Variants in KCTD1 observed in about 807,000 individuals in gnomAD.
The protein encoded by KCTD1 is BTB/POZ domain-containing protein KCTD1.
Under a neutral mutation model 66.0 loss-of-function variants are expected in KCTD1, and 24 were observed. The ratio of observed to expected loss-of-function variants is 0.36; its 90% CI spans 0.26 to 0.51. The LOEUF (loss-of-function observed/expected upper bound fraction) is 0.51, where lower values mean the gene tolerates loss of function less well. Ranked by LOEUF, KCTD1 falls within the 20% of genes least tolerant of loss-of-function variation. The pLI is 0.95. For missense variants in KCTD1, 943 were observed against 1,205.2 expected (o/e 0.78, Z 3.22); for synonymous variants, 511 against 517.2 (o/e 0.99, Z 0.16).
chr18:26,479,161 C>G (rs548922194), intron 2 of KCTD1, among the ~76,000 whole-genome samples: 1 of 152,370 alleles, frequency 6.6e-6, no homozygotes, highest in South Asian at 2.1e-4. Flanking sequence ...GAAGCGAGCA[C>G]TAGCAGAGCT....
intron 1 of KCTD1, among the ~76,000 whole-genome samples, chr18:26,529,479 C>T (rs1457707555): frequency 1.3e-5 from 2 of 152,216 alleles, no homozygotes; most frequent in African/African-American, 4.8e-5. Flanking sequence ...TGCTCATGTA[C>T]ATTTCTGTCT....
chr18:26,468,085 G>C lies in KCTD1; in HGVS notation c.2134-8160C>G, dbSNP rs192216762. On this transcript the variant is annotated intron_variant, in intron 3 of 4. Coordinates refer to ENST00000580059, the MANE Select transcript of KCTD1 (RefSeq NM_001142730.3). The surrounding 1 kb of genome is among the most constrained non-coding windows in gnomAD (Gnocchi z 4.8). ...AATGGGGCCGAAGCTCTAGACTCTTGGTGTGCTGAGAGTTGCAACCACGTG... is the reference window on the plus strand; with the variant it reads ...AATGGGGCCGAAGCTCTAGACTCTTCGTGTGCTGAGAGTTGCAACCACGTG... 3.9e-5 allele frequency among the ~76,000 whole-genome samples: 6 copies of C among 152,334 alleles called. 1 individual carries two copies. The East Asian group carries it at 7.7e-4, about 20-fold the overall frequency.
intron 1 of KCTD1, among the ~76,000 whole-genome samples, chr18:26,535,194 T>C (rs1984640778): frequency 6.6e-6 from 1 of 152,166 alleles, no homozygotes. Flanking sequence ...CATTTTCTAT[T>C]TGTCAGGCAC....
At chr18:26,520,319 G>A (rs1983850639) in intron 1 of KCTD1, among the ~76,000 whole-genome samples, 2 of 152,220 alleles carry the variant, frequency 1.3e-5, no homozygotes, top group African/African-American at 4.8e-5. Flanking sequence ...GAGAGAACTG[G>A]AGCCTGCATA....
At chr18:26,528,168 T>C (rs1984263121) in intron 1 of KCTD1, among the ~76,000 whole-genome samples, 1 of 152,158 alleles carries the variant, frequency 6.6e-6, no homozygotes, top group African/African-American at 2.4e-5. Context: ...GCCCCTACCT[T>C]GAACTTGATC....
chr18:26,502,596 G>C (rs1212691144), intron 1 of KCTD1, among the ~76,000 whole-genome samples: 2 of 152,126 alleles, frequency 1.3e-5, no homozygotes, highest in Non-Finnish European at 2.9e-5. Context: ...TTCAATTAGA[G>C]CCCAAACCAC....
chr18:26,469,823 G>A (rs2144574710), intron 3 of KCTD1, among the ~76,000 whole-genome samples: 1 of 152,184 alleles, frequency 6.6e-6, no homozygotes, highest in East Asian at 1.9e-4. Flanking sequence ...AACACACAAT[G>A]TCCTCTGGAA....
At chr18:26,627,693 T>C (rs747263017) in intron 1 of KCTD1, among the ~76,000 whole-genome samples, 43 of 152,240 alleles carry the variant, frequency 2.8e-4, no homozygotes, top group Admixed American at 6.5e-5. Flanking sequence ...AACAACACTA[T>C]GCAATTTAGC....
intron 1 of KCTD1, among the ~76,000 whole-genome samples, chr18:26,627,830 C>CA (rs1987535525): frequency 6.6e-6 from 1 of 152,176 alleles, no homozygotes; most frequent in Admixed American, 6.5e-5. Flanking sequence ...AATTCCTGGC[C>CA]ACTCTTAATA....
intron 1 of KCTD1, chr18:26,599,893 CA>C: frequency 6.4e-7 from 1 of 1,556,336 alleles, no homozygotes; most frequent in Non-Finnish European, 8.9e-7. Context: ...AGGCAAAAAG[CA>C]AAACTTTGAA....
chr18:26,473,021 C>T (rs1359810380), intron 3 of KCTD1, among the ~76,000 whole-genome samples: 1 of 152,204 alleles, frequency 6.6e-6, no homozygotes, highest in Non-Finnish European at 1.5e-5. Context: ...GGCCTTGGGC[C>T]TGCAGAGTGT....
intron 1 of KCTD1, among the ~76,000 whole-genome samples, chr18:26,562,855 G>C (rs1985892359): frequency 6.6e-6 from 1 of 152,114 alleles, no homozygotes; most frequent in African/African-American, 2.4e-5. Flanking sequence ...GAACACATCA[G>C]TTCTACCAGA....
At chr18:26,594,353 C>T (rs899963223) in intron 1 of KCTD1, among the ~76,000 whole-genome samples, 1 of 152,152 alleles carries the variant, frequency 6.6e-6, no homozygotes, top group South Asian at 2.1e-4. Flanking sequence ...CATTTGTGTA[C>T]AGACTTATTT....
At chr18:26,625,040 C>A (rs182530937) in intron 1 of KCTD1, among the ~76,000 whole-genome samples, 2 of 152,130 alleles carry the variant, frequency 1.3e-5, no homozygotes, top group African/African-American at 4.8e-5. Context: ...ACCTGTAGTT[C>A]TTTGTTTTGA....
chr18:26,590,480 A>G (rs1319079081), intron 1 of KCTD1, among the ~76,000 whole-genome samples: 1 of 152,066 alleles, frequency 6.6e-6, no homozygotes, highest in Non-Finnish European at 1.5e-5. Flanking sequence ...GCAAATTGTG[A>G]CTTATATTGC....
At chr18:26,517,701 A>G (rs924560238) in intron 1 of KCTD1, among the ~76,000 whole-genome samples, 3 of 150,686 alleles carry the variant, frequency 2.0e-5, no homozygotes, top group Non-Finnish European at 4.4e-5. Flanking sequence ...TTCCCTGCAC[A>G]AGCTATCCTC....
intron 3 of KCTD1, among the ~76,000 whole-genome samples, chr18:26,472,781 C>T (rs1286032544): frequency 6.6e-6 from 1 of 152,250 alleles, no homozygotes; most frequent in Non-Finnish European, 1.5e-5. Context: ...CCTGTCTCCA[C>T]ATGTGGCAAG....
chr18:26,521,956 T>C (rs1356285372), intron 1 of KCTD1, among the ~76,000 whole-genome samples: 1 of 152,210 alleles, frequency 6.6e-6, no homozygotes, highest in Non-Finnish European at 1.5e-5. Context: ...CTTTGTTGTA[T>C]ATGAACCATA....
upstream of KCTD1, chr18:26,549,199 T>G (rs1189078219): frequency 2.0e-6 from 2 of 985,218 alleles, no homozygotes; most frequent in Non-Finnish European, 2.4e-6. Flanking sequence ...GGGCGAGGCT[T>G]GGGAGCGGGA....
Sources: allele counts gnomAD v4.1 joint callset (sites outside exome capture counted in the v4.1 genomes callset), GRCh38; gene constraint gnomAD v4.1.1; non-coding constraint Gnocchi (gnomAD v3.1); transcripts MANE v1.5; gene names NCBI Gene and HGNC (gene_info 2026-07-23, HGNC 2026-07-21).